Variants in AKAP11 observed in about 807,000 individuals in gnomAD.
AKAP11 encodes A-kinase anchor protein 11.
A neutral mutation model predicts 146.1 loss-of-function variants in AKAP11; 36 were observed. The observed-to-expected ratio is 0.25, with a 90% CI of 0.19 to 0.33. AKAP11 has a LOEUF of 0.33. Ranked by LOEUF, AKAP11 falls within the 10% of genes least tolerant of loss-of-function variation. The pLI is 1.00. For missense variants in AKAP11, 2,201 were observed against 2,197.0 expected (o/e 1.00, Z -0.04); for synonymous variants, 780 against 786.5 (o/e 0.99, Z 0.14).
At chr13:42,275,762 T>A (rs1470579888) in intron 1 of AKAP11, among the ~76,000 whole-genome samples, 1 of 152,208 alleles carries the variant, frequency 6.6e-6, no homozygotes, top group South Asian at 2.1e-4. Context: ...TAATAGCACC[T>A]TCTGTGGTGA....
At chr13:42,274,111 G>A (rs1054266173) in intron 1 of AKAP11, among the ~76,000 whole-genome samples, 1 of 152,110 alleles carries the variant, frequency 6.6e-6, no homozygotes, top group African/African-American at 2.4e-5. Context: ...TGTGGTGTTT[G>A]GTTTTTCAAA....
chr13:42,299,108 A>C (rs2138574944), intron 7 of AKAP11, among the ~76,000 whole-genome samples: 1 of 152,284 alleles, frequency 6.6e-6, no homozygotes, highest in South Asian at 2.1e-4. Flanking sequence ...TCTCCACGGT[A>C]ATTTTTCTAA....
At chr13:42,307,588 AACAGAT>A (rs1186307940) in intron 8 of AKAP11, among the ~76,000 whole-genome samples, 1 of 152,158 alleles carries the variant, frequency 6.6e-6, no homozygotes, top group African/African-American at 2.4e-5. Flanking sequence ...AGTCACCGAG[AACAGAT>A]TTCCAGGCCT....
intron 9 of AKAP11, among the ~76,000 whole-genome samples, chr13:42,309,956 C>T (rs899327894): frequency 4.6e-5 from 7 of 151,988 alleles, no homozygotes; most frequent in East Asian, 3.9e-4. Context: ...AAAAAGGAGT[C>T]GTCTTACCGG....
At position 42,276,484 on chromosome 13, in the gene AKAP11, C is replaced by A. The variant is rs924323434; in HGVS notation, c.-100+4256C>A. On this transcript the variant is annotated intron_variant, in intron 1 of 12. Coordinates refer to ENST00000025301, the MANE Select transcript of AKAP11 (RefSeq NM_016248.4). The stretch of plus-strand genomic sequence containing the variant: ...TGGTCTCAAACTCCTGGGCTCAAGC[C>A]GTCCACCTGCCTTGGCCTCCCAATG... Among the ~76,000 whole-genome samples, 9 of 152,208 alleles carry A rather than the reference C, an allele frequency of 5.9e-5. No individual in the cohort carries two copies. The East Asian group carries it at 1.7e-3, about 29-fold the overall frequency.
At chr13:42,303,947 G>C in intron 8 of AKAP11, 84 bp downstream of exon 8, 1 of 1,431,202 alleles carries the variant, frequency 7.0e-7, no homozygotes. Context: ...TGTTCATAAA[G>C]GAATGATTAT....
chr13:42,285,515 C>G (rs1029819808), intron 1 of AKAP11, among the ~76,000 whole-genome samples: 15 of 152,328 alleles, frequency 9.8e-5, no homozygotes, highest in Middle Eastern at 3.4e-3. Flanking sequence ...AGGGCCATAT[C>G]TATCTTGTTT....
At chr13:42,317,374 TTGAGGTTATGG>T (rs1960870738) in intron 11 of AKAP11, among the ~76,000 whole-genome samples, 143 bp from the exon 12 acceptor site, 1 of 152,212 alleles carries the variant, frequency 6.6e-6, no homozygotes. Context: ...GAAGTTTTAG[TTGAGGTTATGG>T]TGTGGTTAGA....
At chr13:42,286,633 A>T (rs1261209370) in intron 3 of AKAP11, among the ~76,000 whole-genome samples, 1 of 152,178 alleles carries the variant, frequency 6.6e-6, no homozygotes, top group African/African-American at 2.4e-5. Flanking sequence ...CTACACATAG[A>T]TATCCATGTG....
Position 42,308,286 on chromosome 13 carries a change from T to C in AKAP11, c.5118-168T>C, listed in dbSNP as rs188109589. 6.6e-5 allele frequency among the ~76,000 whole-genome samples: 10 copies of C among 152,338 alleles called. No individual in the cohort carries two copies. The East Asian group carries it at 1.4e-3, about 21-fold the overall frequency. On this transcript the variant is annotated intron_variant, in intron 8 of 12. Coordinates refer to ENST00000025301, the MANE Select transcript of AKAP11 (RefSeq NM_016248.4). ...TAACTTTGAAATTAATACGCTATCC[T>C]ACAGTCTGTTTGTTGGCAGACTCAA...
intron 8 of AKAP11, 69 bp from the exon 9 acceptor site, chr13:42,308,385 G>GATAGTCTTGTAAGTTCAGA: frequency 7.8e-7 from 1 of 1,288,680 alleles, no homozygotes; most frequent in Admixed American, 2.2e-5. Flanking sequence ...TCATCAAATT[G>GATAGTCTTGTAAGTTCAGA]ATAGTCTTGT....
chr13:42,288,498 C>T (rs951750897), intron 3 of AKAP11, among the ~76,000 whole-genome samples: 1 of 152,168 alleles, frequency 6.6e-6, no homozygotes, highest in Non-Finnish European at 1.5e-5. Flanking sequence ...ATGCTTCTCC[C>T]AGGAATAACA....
chr13:42,290,217 A>G (rs1453315467), intron 3 of AKAP11, among the ~76,000 whole-genome samples: 1 of 152,132 alleles, frequency 6.6e-6, no homozygotes. Flanking sequence ...TGAAGAGTCT[A>G]GGCCAGTTGT....
In AKAP11 at chr13:42,285,032, A is replaced by G. The variant is rs775136675; in HGVS notation, c.-99-954A>G. On this transcript the variant is annotated intron_variant, in intron 1 of 12. Transcript: ENST00000025301. ...GTGTGTGTGTTTGTGCACTCACGCT[A>G]TAGTCTTATCTGCATAGCAAAAGAA... 5.3e-5 allele frequency among the ~76,000 whole-genome samples: 8 copies of G among 152,374 alleles called. No homozygotes were observed. The South Asian group carries it at 6.2e-4, about 12-fold the overall frequency.
intron 1 of AKAP11, among the ~76,000 whole-genome samples, chr13:42,285,328 A>T (rs1031840408): frequency 1.3e-5 from 2 of 152,204 alleles, no homozygotes; most frequent in Non-Finnish European, 2.9e-5. Flanking sequence ...GCAGGCATGC[A>T]CCACTGTGCC....
At chr13:42,279,615 A>G (rs2224717) in intron 1 of AKAP11, among the ~76,000 whole-genome samples, 20,292 of 152,102 alleles carry the variant, frequency 0.13, 1,492 homozygotes, top group African/African-American at 0.18. Context: ...TATATGGAAC[A>G]TATTTGTACT....
At chr13:42,314,451 A>T (rs1960719090) in intron 11 of AKAP11, among the ~76,000 whole-genome samples, 1 of 16,656 alleles carries the variant, frequency 6.0e-5, no homozygotes, top group South Asian at 2.4e-3. Flanking sequence ...TGACTTAAAA[A>T]AAAAAAAAAA....
Position 42,302,192 on chromosome 13 carries a change from T to G in AKAP11, c.3446T>G (p.Leu1149Trp). ...STPHNSSVGS[L>W]SENEQNTIEK... is the part of the protein sequence containing the mutation. ...CCACACAACTCATCTGTTGGTAGTTTGTCTGAGAATGAACAAAATACTATA... is the reference window on the plus strand; with the variant it reads ...CCACACAACTCATCTGTTGGTAGTTGGTCTGAGAATGAACAAAATACTATA... The change falls in exon 8 of 13, where the codon TTG becomes TGG. Residue 1149 changes from leucine to tryptophan, a missense_variant. This residue lies in a region of AKAP11 where 1,867 missense variants were observed against 1,833.5 expected (regional missense o/e 1.02). Coordinates refer to ENST00000025301, the MANE Select transcript of AKAP11 (RefSeq NM_016248.4). The G allele has an allele frequency of 6.2e-7, 1 of 1,614,200 alleles. No homozygotes were observed.
intron 2 of AKAP11, 127 bp downstream of exon 2, chr13:42,286,162 G>T (rs1039889937): frequency 2.6e-6 from 1 of 389,280 alleles, no homozygotes. Flanking sequence ...AAGTAAATTG[G>T]GGGGGGTGCT....
Sources: gnomAD v4.1 joint callset for allele counts (sites outside exome capture counted in the v4.1 genomes callset) on GRCh38, gnomAD v4.1.1 for gene constraint, gnomAD v4.1.1 regional missense constraint, MANE v1.5 for transcripts, NCBI Gene and HGNC (gene_info 2026-07-23, HGNC 2026-07-21) for gene names.